VWA3B: variants seen among roughly 807,000 people sequenced by gnomAD.
VWA3B encodes von Willebrand factor A domain containing 3B, also known as von Willebrand factor A domain-containing protein 3B.
Under a neutral mutation model 158.3 loss-of-function variants are expected in VWA3B, and 138 were observed. The observed-to-expected ratio is 0.87, with a 90% CI of 0.76 to 1.00. The LOEUF (loss-of-function observed/expected upper bound fraction) is 1.00. Among genes scored for constraint, VWA3B ranks in the 50% least tolerant of loss-of-function variants. The pLI, the probability that VWA3B is intolerant of heterozygous loss-of-function variation, is 0.00. For missense variants in VWA3B, 1,555 were observed against 1,565.1 expected, an observed-to-expected ratio of 0.99 and a Z score of 0.11; for synonymous variants, 596 against 587.3, an observed-to-expected ratio of 1.01 and a Z score of -0.21.
At position 98,293,903 on chromosome 2, in the gene VWA3B, T is replaced by G. The variant is rs189633993; in HGVS notation, c.3157+3281T>G. 6.7e-3 allele frequency among the ~76,000 whole-genome samples: 1,027 copies of G among 152,224 alleles called. 33 individuals carry two copies. Among genetic ancestry groups the G allele is most frequent in the Admixed American group, 0.061 (939 of 15,284 alleles). Reference sequence around the variant, plus strand: ...CTCAGCCCAGAATCATGTATTGCATTTAGTGGACATGTCTCTAGCCCTCTT... The same window carrying G: ...CTCAGCCCAGAATCATGTATTGCATGTAGTGGACATGTCTCTAGCCCTCTT... On this transcript the variant is annotated intron_variant, in intron 23 of 27. Coordinates refer to ENST00000477737, the MANE Select transcript of VWA3B (RefSeq NM_144992.5).
Position 98,125,352 on chromosome 2 carries a change from G to A in VWA3B, c.703-2887G>A, listed in dbSNP as rs1260055357. ...TGGGGCTCACATTCATCTCTAACAG[G>A]TGACCAGCCTTGCCACAAATAGCAC... On this transcript the variant is annotated intron_variant, in intron 5 of 27. Transcript: ENST00000477737. This position sits in a 1 kb window ranked among gnomAD's most constrained non-coding sequence, Gnocchi z 4.1. Among the ~76,000 whole-genome samples the A allele has an allele frequency of 6.6e-6, 1 of 152,196 alleles. No individual in the cohort carries two copies. The highest frequency in any genetic ancestry group is 1.5e-5 in the Non-Finnish European group (1 of 68,040).
chr2:98,227,211 T>C (rs554422401), intron 14 of VWA3B, among the ~76,000 whole-genome samples: 11 of 152,230 alleles, frequency 7.2e-5, no homozygotes, highest in African/African-American at 2.4e-4. Flanking sequence ...AGAATATAAA[T>C]TCAATGTGCA....
intron 14 of VWA3B, among the ~76,000 whole-genome samples, chr2:98,223,306 AC>A (rs769374377): frequency 2.9e-5 from 3 of 101,780 alleles, no homozygotes; most frequent in Admixed American, 9.8e-5. Context: ...GAGAAAATAG[AC>A]CAAAAAAAAA....
chr2:98,237,066 C>T (rs1239729598), intron 19 of VWA3B, among the ~76,000 whole-genome samples: 1 of 152,212 alleles, frequency 6.6e-6, no homozygotes, highest in African/African-American at 2.4e-5. Context: ...GCCCCAGCTA[C>T]TTGAGCCACT....
At chr2:98,090,985 C>A (rs922440898) in intron 1 of VWA3B, among the ~76,000 whole-genome samples, 5 of 152,182 alleles carry the variant, frequency 3.3e-5, no homozygotes, top group African/African-American at 1.2e-4. Context: ...GTCTCGAACT[C>A]CTGGGCTCAA....
At chr2:98,115,348 A>G (rs1573801850) in intron 2 of VWA3B, among the ~76,000 whole-genome samples, 1 of 152,194 alleles carries the variant, frequency 6.6e-6, no homozygotes, top group Admixed American at 6.5e-5. Flanking sequence ...AATGTAAATG[A>G]TGAGTTGATG....
chr2:98,167,151 C>T (rs1398244686), intron 8 of VWA3B, among the ~76,000 whole-genome samples: 1 of 152,062 alleles, frequency 6.6e-6, no homozygotes, highest in Non-Finnish European at 1.5e-5. Context: ...AGGGAAGGGG[C>T]GGATTGGAGG....
At chr2:98,217,817 T>A in intron 13 of VWA3B, 29 bp from the exon 14 acceptor site, 2 of 1,540,300 alleles carry the variant, frequency 1.3e-6, no homozygotes, top group Non-Finnish European at 1.7e-6. Context: ...CCATCTCCCT[T>A]CCCCCATCCC....
intron 14 of VWA3B, among the ~76,000 whole-genome samples, chr2:98,226,915 T>G (rs1400032574): frequency 6.6e-6 from 1 of 152,184 alleles, no homozygotes; most frequent in Non-Finnish European, 1.5e-5. Context: ...AAGAGCCATT[T>G]ATGACAAACC....
At chr2:98,214,701 G>A (rs1223188494) in intron 13 of VWA3B, among the ~76,000 whole-genome samples, 1 of 152,116 alleles carries the variant, frequency 6.6e-6, no homozygotes, top group Non-Finnish European at 1.5e-5. Context: ...TTCATAAAGA[G>A]CGTCCTCATT....
chr2:98,139,880 G>A (rs568663749), intron 7 of VWA3B, among the ~76,000 whole-genome samples: 3 of 152,224 alleles, frequency 2.0e-5, no homozygotes, highest in South Asian at 2.1e-4. Context: ...TTGTTCTTTC[G>A]CTCTTTGCAA....
At position 98,312,025 on chromosome 2, in the gene VWA3B, A is replaced by G; in HGVS notation, c.3728A>G (p.Glu1243Gly). 6.3e-7 allele frequency: 1 copy of G among 1,597,706 alleles called. No homozygotes were observed. Among genetic ancestry groups the G allele is most frequent in the Non-Finnish European group, 8.5e-7 (1 of 1,171,874 alleles). Residue 1243 changes from glutamate (E) to glycine (G), a missense_variant, in exon 27 of 28, where the codon GAG becomes GGG. Transcript: ENST00000477737. ...SHGSCQGTHPEPRTAHLHFPA... is the reference protein window; with the variant it reads ...SHGSCQGTHPGPRTAHLHFPA... The stretch of plus-strand genomic sequence containing the variant: ...GGGTCCTGCCAGGGGACACACCCCG[A>G]GCCCAGGGTTTGGGTGATGGGGGGG...
rs1247852466 is a variant in VWA3B at position 98,270,885 on chromosome 2, T to C, written c.3045+2T>C. 10 of 1,613,358 alleles carry C rather than the reference T, an allele frequency of 6.2e-6. No individual in the cohort carries two copies. Among genetic ancestry groups the C allele is most frequent in the Non-Finnish European group, 8.5e-6 (10 of 1,179,648 alleles). On this transcript the variant is annotated splice_donor_variant, in intron 22 of 27. Transcript: ENST00000477737. LOFTEE classifies it high-confidence loss of function. The stretch of plus-strand genomic sequence containing the variant: ...TATGCAAACAAGGCCCCGGGAGAGG[T>C]GGGTGCCCTGGAGGTCTCTGTCTTT...
At chr2:98,147,980 A>G (rs1351425961) in intron 7 of VWA3B, among the ~76,000 whole-genome samples, 1 of 151,616 alleles carries the variant, frequency 6.6e-6, no homozygotes, top group Admixed American at 6.6e-5. Context: ...AGTCCTTGCA[A>G]TAGTTTGCTG....
chr2:98,137,000 A>G (rs1265813399), intron 7 of VWA3B, among the ~76,000 whole-genome samples: 1 of 152,202 alleles, frequency 6.6e-6, no homozygotes, highest in Non-Finnish European at 1.5e-5. Context: ...TCTAAGGTTG[A>G]TAATAGTCCA....
At chr2:98,218,128 G>C (rs1369364398) in intron 14 of VWA3B, 100 bp downstream of exon 14, 5 of 1,310,174 alleles carry the variant, frequency 3.8e-6, no homozygotes, top group African/African-American at 1.5e-5. Flanking sequence ...AGCAACCATA[G>C]AGATAACTAA....
At chr2:98,192,592 C>A (rs1377012281) in intron 10 of VWA3B, among the ~76,000 whole-genome samples, 1 of 152,156 alleles carries the variant, frequency 6.6e-6, no homozygotes, top group Non-Finnish European at 1.5e-5. Context: ...ATGTGTAGGT[C>A]ACAGGGGATA....
At chr2:98,210,458 A>AG (rs572048804) in intron 12 of VWA3B, among the ~76,000 whole-genome samples, 56 of 152,308 alleles carry the variant, frequency 3.7e-4, no homozygotes, top group African/African-American at 1.3e-3. Flanking sequence ...CTGGTTTTGT[A>AG]GGTTATGTCT....
At chr2:98,285,555 A>G (rs905697035) in intron 22 of VWA3B, among the ~76,000 whole-genome samples, 2 of 152,120 alleles carry the variant, frequency 1.3e-5, no homozygotes, top group African/African-American at 4.8e-5. Context: ...TCAATTGACT[A>G]TAAATATAAG....
Sources: allele counts gnomAD v4.1 joint callset (sites outside exome capture counted in the v4.1 genomes callset), GRCh38; gene constraint gnomAD v4.1.1; non-coding constraint Gnocchi (gnomAD v3.1); transcripts MANE v1.5; gene names NCBI Gene and HGNC (gene_info 2026-07-23, HGNC 2026-07-21).